CPLX2: variants seen among roughly 807,000 people sequenced by gnomAD.
CPLX2 encodes the protein complexin-2.
CPLX2 carries 5 observed loss-of-function variants against 16.3 expected under a neutral mutation model. The ratio of observed to expected loss-of-function variants is 0.31; its 90% CI spans 0.16 to 0.64. CPLX2 has a LOEUF of 0.64. Ranked by LOEUF, CPLX2 falls within the 30% of genes least tolerant of loss-of-function variation. The probability of loss-of-function intolerance (pLI) is 0.79; values close to 1 mark genes in which losing one functional copy is unlikely to be tolerated. For synonymous variants in CPLX2, 89 were observed against 73.2 expected (o/e 1.22, Z -1.10); for missense variants, 144 against 181.4 (o/e 0.79, Z 1.18).
At chr5:175,836,707 C>G (rs1198946694) in intron 2 of CPLX2, among the ~76,000 whole-genome samples, 4 of 152,218 alleles carry the variant, frequency 2.6e-5, no homozygotes, top group Admixed American at 1.3e-4. Flanking sequence ...TCAACTACCC[C>G]GTCCTCTGTC....
At chr5:175,814,386 C>G (rs574292539) in intron 2 of CPLX2, among the ~76,000 whole-genome samples, 1 of 152,352 alleles carries the variant, frequency 6.6e-6, no homozygotes, top group South Asian at 2.1e-4. Flanking sequence ...GAGGGTGGAT[C>G]TGAAACAGAC....
intron 2 of CPLX2, among the ~76,000 whole-genome samples, chr5:175,810,420 G>A (rs1461305041): frequency 6.6e-6 from 1 of 152,170 alleles, no homozygotes; most frequent in Non-Finnish European, 1.5e-5. Flanking sequence ...TCCTCTCACT[G>A]AGGAGCTTCT....
chr5:175,850,431 A>G (rs1439407492), intron 2 of CPLX2, among the ~76,000 whole-genome samples: 1 of 152,196 alleles, frequency 6.6e-6, no homozygotes, highest in Non-Finnish European at 1.5e-5. Context: ...GGCTGGCCAG[A>G]GCAGACTAGA....
At chr5:175,862,330 G>C (rs1197906398) in intron 2 of CPLX2, among the ~76,000 whole-genome samples, 3 of 152,240 alleles carry the variant, frequency 2.0e-5, no homozygotes, top group East Asian at 3.8e-4. Context: ...GGGTCCACAT[G>C]GGTGCATGGG....
At chr5:175,857,822 A>AT (rs974821452) in intron 2 of CPLX2, among the ~76,000 whole-genome samples, 4 of 152,158 alleles carry the variant, frequency 2.6e-5, no homozygotes, top group Non-Finnish European at 5.9e-5. Context: ...CCTCTGCCTT[A>AT]TTCACCCAGT....
intron 2 of CPLX2, among the ~76,000 whole-genome samples, chr5:175,819,863 C>T (rs771812177): frequency 6.6e-6 from 1 of 152,188 alleles, no homozygotes; most frequent in Non-Finnish European, 1.5e-5. Flanking sequence ...TGTTCTCAGC[C>T]TGAAGCAGGT....
intron 2 of CPLX2, among the ~76,000 whole-genome samples, chr5:175,833,571 G>T (rs1285928730): frequency 1.3e-5 from 2 of 152,202 alleles, no homozygotes. Flanking sequence ...AAATGGGGGG[G>T]CCTGGTATGC....
chr5:175,840,863 T>G (rs2113668338), intron 2 of CPLX2, among the ~76,000 whole-genome samples: 1 of 152,294 alleles, frequency 6.6e-6, no homozygotes, highest in African/African-American at 2.4e-5. Context: ...AGACTTTTTT[T>G]TATAGCATGC....
At chr5:175,869,881 G>A (rs1259837609), upstream of CPLX2, among the ~76,000 whole-genome samples, 2 of 152,208 alleles carry the variant, frequency 1.3e-5, no homozygotes, top group African/African-American at 2.4e-5. Flanking sequence ...TGATGTCCAT[G>A]TCAAAAGCAA....
rs187205790 is a variant in CPLX2 at position 175,848,034 on chromosome 5, C to A, written c.-88-30618C>A. 1.3e-3 allele frequency among the ~76,000 whole-genome samples: 197 copies of A among 152,338 alleles called. 1 individual carries two copies. In the Middle Eastern group the frequency reaches 0.014, roughly 11 times the overall value. ...GCTTGCTTTGTGCCAGGCCCTGGGG[C>A]CAAAGAGATGTTTAGACACAGCCCT... On this transcript the variant is annotated intron_variant, in intron 2 of 4. Transcript: ENST00000359546.
intron 2 of CPLX2, among the ~76,000 whole-genome samples, chr5:175,816,415 C>T (rs1758409777): frequency 6.6e-6 from 1 of 152,218 alleles, no homozygotes. Flanking sequence ...ATCTGCCCGC[C>T]TCAGCCTCCC....
chr5:175,863,439 A>ACCTCTCTGAGTCTGAATATC (rs1320819507), intron 2 of CPLX2, among the ~76,000 whole-genome samples: 1 of 152,200 alleles, frequency 6.6e-6, no homozygotes, highest in East Asian at 1.9e-4. Flanking sequence ...CAAGGGCTTA[A>ACCTCTCTGAGTCTGAATATC]CCTCTCTGAG....
intron 2 of CPLX2, among the ~76,000 whole-genome samples, chr5:175,850,465 CA>C (rs1191281143): frequency 6.6e-6 from 1 of 152,212 alleles, no homozygotes. Context: ...GGACCCTGAC[CA>C]CTAAGGTCAA....
intron 2 of CPLX2, among the ~76,000 whole-genome samples, chr5:175,836,215 T>TG (rs1190701262): frequency 1.3e-5 from 2 of 152,044 alleles, no homozygotes; most frequent in African/African-American, 2.4e-5. Context: ...CTGGGCGTGG[T>TG]GGCGGGCACC....
intron 2 of CPLX2, among the ~76,000 whole-genome samples, chr5:175,821,253 G>C (rs1758502887): frequency 6.6e-6 from 1 of 151,994 alleles, no homozygotes; most frequent in African/African-American, 2.4e-5. Flanking sequence ...CTCTACGCAA[G>C]CAGGACACTC....
rs192363823 is a variant in CPLX2, at chr5:175,879,743, G to A, written c.208-105G>A. On this transcript the variant is annotated intron_variant, in intron 3 of 3. Transcript: ENST00000393745. ...TTTACTAATGACAGGACTGAGGCTT[G>A]GGAGGCACTCCTGGCCACCTCAGCC... The A allele has an allele frequency of 5.3e-5, 55 of 1,040,676 alleles. No individual in the cohort carries two copies. The African/African-American group carries it at 6.8e-4, about 13-fold the overall frequency. The allele number at this position is 1,040,676 out of a possible 1,614,324, so 64.5% of individuals were successfully genotyped here.
In CPLX2 at chr5:175,812,232, A is replaced by C. The variant is rs527921065; in HGVS notation, c.-89+3164A>C. Among the ~76,000 whole-genome samples, 4 of 152,340 alleles carry C rather than the reference A, an allele frequency of 2.6e-5. No homozygotes were observed. In the East Asian group the frequency reaches 7.7e-4, roughly 29 times the overall value. On this transcript the variant is annotated intron_variant, in intron 2 of 4. Coordinates refer to the CPLX2 transcript ENST00000359546. ...ATGCGGAGGGCAGCCAGCACAGCTC[A>C]GGCCCCTTGGCCAGCCCCATCCCAG... is the stretch of plus-strand genomic sequence containing the variant.
In CPLX2 at chr5:175,880,240, A is replaced by G; in HGVS notation, c.*195A>G. ...ATCCCAGGGTATCCACCTGCACCCC[A>G]CTCCCAAGTAGCTTGAAAAAGGGAG... On this transcript the variant is annotated 3_prime_UTR_variant, in exon 4 of 4. Coordinates refer to ENST00000393745, the MANE Select transcript of CPLX2 (RefSeq NM_001008220.2). 1.4e-6 allele frequency: 1 copy of G among 709,426 alleles called. No individual in the cohort carries two copies. Among genetic ancestry groups the G allele is most frequent in the Non-Finnish European group, 2.6e-6 (1 of 387,846 alleles). 43.9% of individuals were successfully genotyped at this position (709,426 alleles called of 1,614,324 possible).
At chr5:175,847,631 A>G (rs1759071821) in intron 2 of CPLX2, among the ~76,000 whole-genome samples, 1 of 152,166 alleles carries the variant, frequency 6.6e-6, no homozygotes. Flanking sequence ...GGGCAGGATT[A>G]GAGAGAACGG....
Sources: gnomAD v4.1 joint callset for allele counts (sites outside exome capture counted in the v4.1 genomes callset) on GRCh38, gnomAD v4.1.1 for gene constraint, MANE v1.5 for transcripts, NCBI Gene and HGNC (gene_info 2026-07-23, HGNC 2026-07-21) for gene names.